Variants in SLC35H1 observed in about 807,000 individuals in gnomAD.
The protein encoded by SLC35H1 is ovarian cancer-overexpressed gene 1 protein.
At chr20:46,350,675 C>A in the SLC35H1 span, 1 of 1,542,916 alleles carries the variant, frequency 6.5e-7, no homozygotes, top group South Asian at 1.3e-5. Context: ...AGCAGAGCCA[C>A]CGGGCACACT....
At chr20:46,364,002 G>A in the SLC35H1 span, 1 of 152,162 alleles carries the variant, frequency 6.6e-6, no homozygotes, top group Admixed American at 6.5e-5. Flanking sequence ...CCCAATCCTC[G>A]TGGCACTCCC....
chr20:46,350,326 C>T, the SLC35H1 span: 1 of 1,525,048 alleles, frequency 6.6e-7, no homozygotes, highest in East Asian at 2.3e-5. Context: ...GCCCTGGCGG[C>T]TTGAGCACAG....
chr20:46,360,052 T>C, the SLC35H1 span, among the ~76,000 whole-genome samples: 1 of 152,178 alleles, frequency 6.6e-6, no homozygotes, highest in Admixed American at 6.5e-5. Flanking sequence ...TGGCGTTCAG[T>C]AAGCAGGGAT....
the SLC35H1 span, among the ~76,000 whole-genome samples, chr20:46,360,793 G>A: frequency 3.9e-5 from 6 of 152,286 alleles, no homozygotes; most frequent in African/African-American, 7.2e-5. Flanking sequence ...CAGGTGATCC[G>A]CCCGCCTTGC....
the SLC35H1 span, among the ~76,000 whole-genome samples, chr20:46,362,297 T>G: frequency 5.3e-5 from 8 of 152,292 alleles, no homozygotes; most frequent in African/African-American, 1.9e-4. Flanking sequence ...GAAATCTCAT[T>G]TGCTCAGGAA....
the SLC35H1 span, chr20:46,346,294 G>C: frequency 2.6e-5 from 4 of 152,270 alleles, no homozygotes; most frequent in Non-Finnish European, 5.9e-5. Flanking sequence ...TACAAAGCAG[G>C]GGTGAAGGGA....
At chr20:46,350,248 G>T in the SLC35H1 span, 1 of 965,324 alleles carries the variant, frequency 1.0e-6, no homozygotes, top group Non-Finnish European at 1.5e-6. Flanking sequence ...AGGGGCAAAA[G>T]TCATGAGTCC....
At chr20:46,348,137 T>C in the SLC35H1 span, 12 of 127,428 alleles carry the variant, frequency 9.4e-5, no homozygotes, top group Non-Finnish European at 1.4e-4. Context: ...AGGTGGACGC[T>C]GTCTGGCCTG....
chr20:46,357,081 T>C, the SLC35H1 span, among the ~76,000 whole-genome samples: 5 of 152,142 alleles, frequency 3.3e-5, no homozygotes, highest in Admixed American at 1.3e-4. Flanking sequence ...CTGAAACACT[T>C]TGAGTTCCCT....
At chr20:46,350,545 C>T in the SLC35H1 span, 1 of 1,567,468 alleles carries the variant, frequency 6.4e-7, no homozygotes, top group Non-Finnish European at 8.6e-7. Flanking sequence ...AGAGAGACCA[C>T]AGTTACAGGC....
At chr20:46,357,661 A>T in the SLC35H1 span, 1 of 1,614,102 alleles carries the variant, frequency 6.2e-7, no homozygotes, top group Non-Finnish European at 8.5e-7. Flanking sequence ...GGCCCAGCTC[A>T]GCACCACACG....
At chr20:46,357,863 T>C in the SLC35H1 span, 1 of 1,437,824 alleles carries the variant, frequency 7.0e-7, no homozygotes, top group Non-Finnish European at 9.6e-7. Context: ...TCTGCTGGAG[T>C]GGGGCTCATT....
chr20:46,350,874 A>G, the SLC35H1 span: 1 of 1,614,006 alleles, frequency 6.2e-7, no homozygotes, highest in Non-Finnish European at 8.5e-7. Flanking sequence ...AGCTGCCAAC[A>G]GCAAAGTGCA....
At chr20:46,353,434 G>A in the SLC35H1 span, among the ~76,000 whole-genome samples, 1 of 152,184 alleles carries the variant, frequency 6.6e-6, no homozygotes, top group South Asian at 2.1e-4. Flanking sequence ...TATTAGCACA[G>A]GGTGAAGGGG....
the SLC35H1 span, chr20:46,346,276 T>C: frequency 1.3e-5 from 2 of 152,270 alleles, no homozygotes; most frequent in African/African-American, 4.8e-5. Context: ...GTTAAGCTAA[T>C]TGGTTACTAC....
chr20:46,347,115 GTGTA>G, the SLC35H1 span: 2 of 152,102 alleles, frequency 1.3e-5, no homozygotes, highest in African/African-American at 2.4e-5. Context: ...CTTCCTTCAG[GTGTA>G]TGTATTATTA....
the SLC35H1 span, among the ~76,000 whole-genome samples, chr20:46,363,674 T>A: frequency 2.3e-3 from 357 of 152,352 alleles, 1 homozygote; most frequent in Non-Finnish European, 4.2e-3. Context: ...ATCTTTCACC[T>A]GCTGACTGCC....
chr20:46,358,748 C>G, the SLC35H1 span: 1 of 1,542,828 alleles, frequency 6.5e-7, no homozygotes, highest in African/African-American at 1.4e-5. Flanking sequence ...GCAGCGCTCA[C>G]AGGTCCCAAG....
the SLC35H1 span, among the ~76,000 whole-genome samples, chr20:46,362,853 G>A: frequency 3.3e-5 from 5 of 152,154 alleles, no homozygotes; most frequent in Non-Finnish European, 7.4e-5. Context: ...CGCAAACTCC[G>A]CCTCACGGGT....
Sources: allele counts gnomAD v4.1 joint callset (sites outside exome capture counted in the v4.1 genomes callset), GRCh38; gene constraint gnomAD v4.1.1; transcripts MANE v1.5; gene names NCBI Gene and HGNC (gene_info 2026-07-23, HGNC 2026-07-21).